ELMO1: variants seen among roughly 807,000 people sequenced by gnomAD.
ELMO1 encodes engulfment and cell motility protein 1.
A neutral mutation model predicts 98.9 loss-of-function variants in ELMO1; 26 were observed. The ratio of observed to expected loss-of-function variants is 0.26; its 90% CI spans 0.19 to 0.36. The LOEUF is 0.36. Among genes scored for constraint, ELMO1 ranks in the 10% least tolerant of loss-of-function variants. The pLI is 1.00. For synonymous variants in ELMO1, 346 were observed against 346.0 expected (o/e 1.00, Z 0.00); for missense variants, 627 against 935.2 (o/e 0.67, Z 4.30).
chr7:36,901,911 C>T, intron 16 of ELMO1, among the ~76,000 whole-genome samples: 1 of 152,128 alleles, frequency 6.6e-6, no homozygotes, highest in East Asian at 1.9e-4. Context: ...CAGGACAAAT[C>T]GAACAGAATC....
chr7:37,129,792 C>G (rs2541086), intron 14 of ELMO1, among the ~76,000 whole-genome samples: 43,535 of 152,110 alleles, frequency 0.29, 8,874 homozygotes, highest in African/African-American at 0.58. Flanking sequence ...TTCTCATCTT[C>G]ATTTAAAACA....
chr7:37,046,300 A>G (rs1475799966), intron 15 of ELMO1, among the ~76,000 whole-genome samples: 1 of 152,228 alleles, frequency 6.6e-6, no homozygotes, highest in Non-Finnish European at 1.5e-5. Flanking sequence ...TTCTACACAT[A>G]TAAGTAAGTC....
rs943754991 is a variant in ELMO1 at position 37,407,440 on chromosome 7, G to A, written c.-74+41235C>T. ...GGAGAATCACTTGAAACCAGAAGGCGGAGGTTGCAGTGAGCTGAGACTGCA... is the reference window on the plus strand; with the variant it reads ...GGAGAATCACTTGAAACCAGAAGGCAGAGGTTGCAGTGAGCTGAGACTGCA... On this transcript the variant is annotated intron_variant, in intron 1 of 21. Coordinates refer to ENST00000310758, the MANE Select transcript of ELMO1 (RefSeq NM_014800.11). Among the ~76,000 whole-genome samples, 5 of 151,682 alleles carry A rather than the reference G, an allele frequency of 3.3e-5. No individual in the cohort carries two copies. The East Asian group carries it at 5.8e-4, about 18-fold the overall frequency.
chr7:37,218,095 G>GT (rs746199117), intron 10 of ELMO1, among the ~76,000 whole-genome samples: 35 of 152,228 alleles, frequency 2.3e-4, no homozygotes, highest in Non-Finnish European at 5.9e-5. Flanking sequence ...ACTGGTGGTG[G>GT]TTTTTTTGTT....
At chr7:37,108,206 G>A (rs1478346145) in intron 14 of ELMO1, among the ~76,000 whole-genome samples, 1 of 152,130 alleles carries the variant, frequency 6.6e-6, no homozygotes, top group East Asian at 1.9e-4. Flanking sequence ...CTCATTCTGT[G>A]TATGAATCAT....
intron 4 of ELMO1, among the ~76,000 whole-genome samples, chr7:37,292,132 T>G (rs1797723848): frequency 8.1e-6 from 1 of 124,142 alleles, no homozygotes; most frequent in Admixed American, 7.8e-5. Flanking sequence ...ATTTTTTTGG[T>G]GGAGATGGGG....
At chr7:37,060,024 T>C (rs986568809) in intron 15 of ELMO1, among the ~76,000 whole-genome samples, 1 of 152,230 alleles carries the variant, frequency 6.6e-6, no homozygotes, top group African/African-American at 2.4e-5. Flanking sequence ...GCACCTACTA[T>C]GGATTAGGCC....
intron 1 of ELMO1, among the ~76,000 whole-genome samples, chr7:37,446,156 C>T (rs1805603987): frequency 6.6e-6 from 1 of 152,186 alleles, no homozygotes; most frequent in African/African-American, 2.4e-5. Context: ...GTATATTTCC[C>T]TGGTGGATCT....
chr7:37,203,847 T>C (rs1019393984), intron 13 of ELMO1, among the ~76,000 whole-genome samples: 1 of 152,082 alleles, frequency 6.6e-6, no homozygotes, highest in African/African-American at 2.4e-5. Context: ...CAGAGCTGAA[T>C]GGCTTTCCTC....
chr7:37,047,840 T>C (rs533732265), intron 15 of ELMO1, among the ~76,000 whole-genome samples: 16 of 152,262 alleles, frequency 1.1e-4, no homozygotes, highest in African/African-American at 3.6e-4. Context: ...CAGTACAGAC[T>C]AGTTTTCTCT....
chr7:37,005,871 T>C (rs953576045), intron 16 of ELMO1, among the ~76,000 whole-genome samples: 1 of 152,128 alleles, frequency 6.6e-6, no homozygotes, highest in East Asian at 1.9e-4. Context: ...TCTCCATTAC[T>C]GTGGACTGGT....
chr7:37,309,135 G>A (rs1434779881), intron 4 of ELMO1, among the ~76,000 whole-genome samples: 2 of 152,142 alleles, frequency 1.3e-5, no homozygotes, highest in African/African-American at 4.8e-5. Flanking sequence ...AAGAAAAAGA[G>A]GTTTAATGGA....
intron 13 of ELMO1, among the ~76,000 whole-genome samples, chr7:37,174,547 GCTAT>G (rs1263428697): frequency 6.6e-6 from 1 of 152,174 alleles, no homozygotes; most frequent in Admixed American, 6.5e-5. Flanking sequence ...TATCGAGCGG[GCTAT>G]CTGAGGATGC....
chr7:37,096,108 C>T (rs951157860), intron 15 of ELMO1, among the ~76,000 whole-genome samples: 1 of 152,168 alleles, frequency 6.6e-6, no homozygotes, highest in African/African-American at 2.4e-5. Flanking sequence ...AAAAATATTG[C>T]TGACCACATT....
intron 1 of ELMO1, among the ~76,000 whole-genome samples, chr7:37,392,616 C>T (rs1183458087): frequency 6.6e-6 from 1 of 152,180 alleles, no homozygotes; most frequent in African/African-American, 2.4e-5. Context: ...AGGTGTGAGG[C>T]CTCCCTATAG....
chr7:37,334,065 C>T (rs1255442551), intron 2 of ELMO1, among the ~76,000 whole-genome samples: 1 of 152,162 alleles, frequency 6.6e-6, no homozygotes, highest in Non-Finnish European at 1.5e-5. Context: ...ATGAGCATCA[C>T]CAGGGGAGCT....
chr7:37,018,076 T>C (rs1794049127), intron 15 of ELMO1, among the ~76,000 whole-genome samples: 1 of 152,104 alleles, frequency 6.6e-6, no homozygotes, highest in Non-Finnish European at 1.5e-5. Flanking sequence ...AAGTGTGCAG[T>C]AAAGTGCCTA....
chr7:37,015,342 T>C (rs1793859033), intron 15 of ELMO1, among the ~76,000 whole-genome samples: 1 of 152,186 alleles, frequency 6.6e-6, no homozygotes, highest in Admixed American at 6.5e-5. Context: ...CTCACACTTG[T>C]AATCCCAGCA....
intron 16 of ELMO1, among the ~76,000 whole-genome samples, chr7:36,953,124 C>A (rs1425121653): frequency 6.6e-6 from 1 of 151,922 alleles, no homozygotes; most frequent in Non-Finnish European, 1.5e-5. Context: ...CGCCACCACG[C>A]CCGGCTAATT....
Sources: allele counts gnomAD v4.1 joint callset (sites outside exome capture counted in the v4.1 genomes callset), GRCh38; gene constraint gnomAD v4.1.1; transcripts MANE v1.5; gene names NCBI Gene and HGNC (gene_info 2026-07-23, HGNC 2026-07-21).